PAK5: variants seen among roughly 807,000 people sequenced by gnomAD.
PAK5 encodes the protein serine/threonine-protein kinase PAK 5.
In PAK5, 16 loss-of-function variants were observed where a neutral mutation model predicts 65.9. The ratio of observed to expected loss-of-function variants is 0.24; its 90% CI spans 0.16 to 0.37. The LOEUF is 0.37. Among genes scored for constraint, PAK5 ranks in the 10% least tolerant of loss-of-function variants. The pLI is 1.00. For synonymous variants in PAK5, 371 were observed against 354.9 expected, an observed-to-expected ratio of 1.05 and a Z score of -0.51; for missense variants, 785 against 903.9, an observed-to-expected ratio of 0.87 and a Z score of 1.69.
At chr20:9,593,186 C>A (rs1355800032) in intron 3 of PAK5, among the ~76,000 whole-genome samples, 1 of 151,896 alleles carries the variant, frequency 6.6e-6, no homozygotes, top group African/African-American at 2.4e-5. Flanking sequence ...TGCCTGTGGT[C>A]CCAGCTATTC....
At chr20:9,591,016 G>A (rs1337466964) in intron 3 of PAK5, among the ~76,000 whole-genome samples, 1 of 152,120 alleles carries the variant, frequency 6.6e-6, no homozygotes, top group African/African-American at 2.4e-5. Context: ...GTGAACTGAC[G>A]AATAAAATGA....
intron 3 of PAK5, among the ~76,000 whole-genome samples, chr20:9,617,650 G>A (rs1184474734): frequency 1.4e-5 from 2 of 144,816 alleles, no homozygotes; most frequent in South Asian, 2.2e-4. Context: ...CCACCTCTTA[G>A]GTTCGCGCCA....
At chr20:9,683,215 G>A (rs548899226) in intron 2 of PAK5, among the ~76,000 whole-genome samples, 70 of 152,276 alleles carry the variant, frequency 4.6e-4, no homozygotes, top group Non-Finnish European at 2.8e-4. Flanking sequence ...CCTGCCTCTG[G>A]CTCTGTTCTC....
intron 1 of PAK5, among the ~76,000 whole-genome samples, chr20:9,776,076 A>G (rs923678859): frequency 8.5e-5 from 13 of 152,220 alleles, no homozygotes; most frequent in African/African-American, 3.1e-4. Context: ...TAGAATTTGA[A>G]TGCTTATCTT....
intron 7 of PAK5, among the ~76,000 whole-genome samples, chr20:9,552,493 T>C (rs2122931404): frequency 6.6e-6 from 1 of 152,308 alleles, no homozygotes; most frequent in African/African-American, 2.4e-5. Context: ...CTCTGTGAGA[T>C]ACTATTTATT....
intron 1 of PAK5, among the ~76,000 whole-genome samples, chr20:9,823,796 C>T (rs1231621247): frequency 6.7e-6 from 1 of 149,070 alleles, no homozygotes; most frequent in East Asian, 2.0e-4. Context: ...CTCTCGAATC[C>T]TTGCCTCAAG....
chr20:9,791,885 T>G (rs1030056233), intron 1 of PAK5, among the ~76,000 whole-genome samples: 3 of 152,078 alleles, frequency 2.0e-5, no homozygotes, highest in Non-Finnish European at 4.4e-5. Context: ...CTGAAATGGC[T>G]TCCTCCCAAG....
intron 1 of PAK5, among the ~76,000 whole-genome samples, chr20:9,768,702 G>A (rs555606377): frequency 3.7e-4 from 52 of 142,302 alleles, no homozygotes; most frequent in African/African-American, 1.2e-3. Flanking sequence ...AGAATCGCTT[G>A]AATCCAGGCG....
intron 2 of PAK5, among the ~76,000 whole-genome samples, chr20:9,668,294 A>C (rs758657514): frequency 1.3e-5 from 2 of 150,204 alleles, no homozygotes; most frequent in Non-Finnish European, 2.9e-5. Context: ...TTGTTTTTTC[A>C]GAGGAAATTT....
intron 7 of PAK5, among the ~76,000 whole-genome samples, chr20:9,547,850 C>T (rs2045368067): frequency 6.6e-6 from 1 of 152,146 alleles, no homozygotes; most frequent in Admixed American, 6.5e-5. Context: ...TCCACTTTAA[C>T]AAGAGCCACA....
chr20:9,640,727 G>A lies in PAK5; in HGVS notation c.204+3398C>T, dbSNP rs183758876. ...TTCCTTCTGGTGTGTTCGTGGTCTC[G>A]CTGGCTCAGGAGTGAAGCTGCAGAC... On this transcript the variant is annotated intron_variant, in intron 3 of 9. Transcript: ENST00000353224. Among the ~76,000 whole-genome samples the A allele has an allele frequency of 2.3e-4, 35 of 152,126 alleles. No homozygotes were observed. In the East Asian group the frequency reaches 6.2e-3, roughly 27 times the overall value.
At chr20:9,555,846 G>A (rs548034996) in intron 7 of PAK5, among the ~76,000 whole-genome samples, 22 of 152,158 alleles carry the variant, frequency 1.4e-4, no homozygotes, top group Non-Finnish European at 2.2e-4. Context: ...TTTGCTACAG[G>A]TATCATGTGA....
At chr20:9,800,376 C>T (rs546305087) in intron 1 of PAK5, among the ~76,000 whole-genome samples, 105 of 152,164 alleles carry the variant, frequency 6.9e-4, no homozygotes, top group Middle Eastern at 6.8e-3. Context: ...TAAACTTTGA[C>T]TTTATTAGCC....
At chr20:9,656,863 TCTCTC>T (rs1484720673) in intron 2 of PAK5, among the ~76,000 whole-genome samples, 2 of 152,158 alleles carry the variant, frequency 1.3e-5, no homozygotes, top group Non-Finnish European at 2.9e-5. Context: ...AGTCCACAAA[TCTCTC>T]CATACTATCT....
chr20:9,719,506 T>A (rs1321775480), intron 1 of PAK5, among the ~76,000 whole-genome samples: 1 of 152,166 alleles, frequency 6.6e-6, no homozygotes, highest in African/African-American at 2.4e-5. Flanking sequence ...GACTGTGAAC[T>A]ATACTATTAT....
chr20:9,815,406 ATGATTAGGCCTCAGTTGACATT>A (rs1435602292), intron 1 of PAK5, among the ~76,000 whole-genome samples: 10 of 152,204 alleles, frequency 6.6e-5, no homozygotes, highest in Non-Finnish European at 1.5e-5. Flanking sequence ...GAAGAAAGTC[ATGATTAGGCCTCAGTTGACATT>A]ACTGGGCCAT....
At chr20:9,725,016 T>C (rs1288892581) in intron 1 of PAK5, among the ~76,000 whole-genome samples, 1 of 152,034 alleles carries the variant, frequency 6.6e-6, no homozygotes, top group Non-Finnish European at 1.5e-5. Context: ...AACCCATAAA[T>C]ATATACACTA....
chr20:9,766,895 ATTC>A (rs1229015980), intron 1 of PAK5, among the ~76,000 whole-genome samples: 6 of 145,008 alleles, frequency 4.1e-5, no homozygotes, highest in Non-Finnish European at 9.1e-5. Context: ...TATGTGCACA[ATTC>A]TTCATTAAAA....
At chr20:9,710,146 G>A (rs982885350) in intron 2 of PAK5, among the ~76,000 whole-genome samples, 6 of 151,994 alleles carry the variant, frequency 3.9e-5, no homozygotes, top group African/African-American at 1.5e-4. Context: ...TCATCTAGAA[G>A]GACACCCTTC....
Sources: allele counts gnomAD v4.1 joint callset (sites outside exome capture counted in the v4.1 genomes callset), GRCh38; gene constraint gnomAD v4.1.1; transcripts MANE v1.5; gene names NCBI Gene and HGNC (gene_info 2026-07-23, HGNC 2026-07-21).